Variants in GRM5 observed in about 807,000 individuals in gnomAD.
GRM5 encodes the protein glutamate metabotropic receptor 5.
In GRM5, 19 loss-of-function variants were observed where a neutral mutation model predicts 83.1. The observed-to-expected ratio is 0.23, with a 90% CI of 0.16 to 0.34. GRM5 has a LOEUF of 0.34. GRM5 is among the 10% of genes least tolerant of loss of function. GRM5 has a pLI of 1.00. For synonymous variants in GRM5, 675 were observed against 633.6 expected (o/e 1.07, Z -0.98); for missense variants, 1,160 against 1,588.3 (o/e 0.73, Z 4.58).
At chr11:88,985,149 A>C (rs1939663191) in intron 2 of GRM5, among the ~76,000 whole-genome samples, 1 of 152,028 alleles carries the variant, frequency 6.6e-6, no homozygotes, top group South Asian at 2.1e-4. Flanking sequence ...CATGTTTTTT[A>C]AGATTTGGTT....
intron 3 of GRM5, among the ~76,000 whole-genome samples, chr11:88,653,701 A>G (rs1355921708): frequency 6.6e-6 from 1 of 152,100 alleles, no homozygotes; most frequent in Non-Finnish European, 1.5e-5. Context: ...TAGTATATAC[A>G]TGGAAGCTGC....
rs372866407 is a variant in GRM5, at chr11:88,822,651, T to C, written c.911+27255A>G. ...AGCACACAGGGCTGGAATACAATTA[T>C]CTTCTTAAGAATATTGACTCTTCCG... is the stretch of plus-strand genomic sequence containing the variant. On this transcript the variant is annotated intron_variant, in intron 3 of 9. Coordinates refer to ENST00000305447, the MANE Select transcript of GRM5 (RefSeq NM_001143831.3). Among the ~76,000 whole-genome samples the C allele has an allele frequency of 4.7e-4, 72 of 152,278 alleles. 1 individual carries two copies. In the South Asian group the frequency reaches 0.015, roughly 31 times the overall value.
chr11:89,034,628 A>C (rs1045021346), intron 2 of GRM5, among the ~76,000 whole-genome samples: 2 of 151,896 alleles, frequency 1.3e-5, no homozygotes, highest in African/African-American at 4.8e-5. Context: ...ATATTTGTAG[A>C]CTAATGAATA....
At chr11:88,808,379 T>G (rs1943533665) in intron 3 of GRM5, among the ~76,000 whole-genome samples, 1 of 151,954 alleles carries the variant, frequency 6.6e-6, no homozygotes, top group Non-Finnish European at 1.5e-5. Flanking sequence ...ACTGTATAGT[T>G]AAAATAATTT....
At chr11:88,882,760 A>C (rs1486183469) in intron 2 of GRM5, among the ~76,000 whole-genome samples, 1 of 152,086 alleles carries the variant, frequency 6.6e-6, no homozygotes, top group African/African-American at 2.4e-5. Flanking sequence ...TTGTATTTCC[A>C]TATGACAAGG....
At chr11:88,822,698 T>A (rs113376323) in intron 3 of GRM5, among the ~76,000 whole-genome samples, 4 of 152,182 alleles carry the variant, frequency 2.6e-5, no homozygotes, top group African/African-American at 9.6e-5. Flanking sequence ...TGGTACATCT[T>A]TCCCTTTAAG....
intron 2 of GRM5, among the ~76,000 whole-genome samples, chr11:89,026,911 G>A (rs570413242): frequency 2.6e-5 from 4 of 152,192 alleles, no homozygotes; most frequent in Admixed American, 6.5e-5. Context: ...CCCATGTGAC[G>A]AAGTGGAGGT....
chr11:88,615,961 C>G (rs1938468104), intron 4 of GRM5, among the ~76,000 whole-genome samples: 1 of 152,044 alleles, frequency 6.6e-6, no homozygotes, highest in Non-Finnish European at 1.5e-5. Context: ...AGCAGCAGAG[C>G]AGAGCATATA....
chr11:88,796,021 T>C (rs1286321504), intron 3 of GRM5, among the ~76,000 whole-genome samples: 1 of 152,200 alleles, frequency 6.6e-6, no homozygotes, highest in Non-Finnish European at 1.5e-5. Context: ...GTTCAACTAA[T>C]TGGTTCAGAA....
intron 3 of GRM5, among the ~76,000 whole-genome samples, chr11:88,810,279 C>T (rs1943566349): frequency 6.6e-6 from 1 of 151,900 alleles, no homozygotes; most frequent in South Asian, 2.1e-4. Context: ...CTGAGTAAAG[C>T]TTTGGTTAAA....
At chr11:88,590,860 G>A (rs1937628027) in intron 6 of GRM5, 133 bp from the exon 7 acceptor site, 1 of 518,438 alleles carries the variant, frequency 1.9e-6, no homozygotes, top group African/African-American at 1.9e-5. Flanking sequence ...CAGATAAGCA[G>A]TACAATTTTT....
chr11:89,039,917 A>G (rs1273424081), intron 2 of GRM5, among the ~76,000 whole-genome samples: 1 of 152,146 alleles, frequency 6.6e-6, no homozygotes, highest in Non-Finnish European at 1.5e-5. Flanking sequence ...CCTCTGCCAC[A>G]GTCTCCCAAG....
At chr11:88,580,377 GATCAACAC>G (rs1466691485) in intron 7 of GRM5, among the ~76,000 whole-genome samples, 1 of 152,134 alleles carries the variant, frequency 6.6e-6, no homozygotes, top group Non-Finnish European at 1.5e-5. Context: ...CAGAAAAGAG[GATCAACAC>G]TGAGCTCTGG....
intron 7 of GRM5, among the ~76,000 whole-genome samples, chr11:88,570,567 ATATATTTTTT>A (rs1266020468): frequency 7.8e-4 from 56 of 71,540 alleles, no homozygotes; most frequent in African/African-American, 4.5e-3. Flanking sequence ...ATATATATAT[ATATATTTTTT>A]TTTTTTTTTT....
At position 88,849,959 on chromosome 11, in the gene GRM5, C is replaced by T. The variant is rs749156765; in HGVS notation, c.858G>A (p.Leu286=). ...GACCCAGGCGCCTCATGGCCATCAG[C>T]AGACCTCTCACCGTCATGCCCTCAC... ...CFCEGMTVRG[L]LMAMRRLGLA... is the part of the protein sequence containing the mutation. The change falls in exon 3 of 10, where the codon CTG becomes CTA. Residue 286 remains leucine (L), a synonymous_variant. Coordinates refer to ENST00000305447, the MANE Select transcript of GRM5 (RefSeq NM_001143831.3). 2 of 1,614,104 alleles carry T rather than the reference C, an allele frequency of 1.2e-6. No individual in the cohort carries two copies. Among genetic ancestry groups the T allele is most frequent in the Admixed American group, 1.7e-5 (1 of 60,022 alleles).
intron 2 of GRM5, among the ~76,000 whole-genome samples, chr11:88,977,870 G>A (rs2085034182): frequency 6.6e-6 from 1 of 152,164 alleles, no homozygotes; most frequent in Admixed American, 6.5e-5. Context: ...GGTAAATATA[G>A]GTAGAGAGAA....
In GRM5 at chr11:89,018,114, T is replaced by C. The variant is rs1940902893; in HGVS notation, c.661+29098A>G. Reference sequence around the variant, plus strand: ...TAGTACAATACAGCATCTGACACAATATATGGCACATAATTATCTAATAAA... The same window carrying C: ...TAGTACAATACAGCATCTGACACAACATATGGCACATAATTATCTAATAAA... On this transcript the variant is annotated intron_variant, in intron 2 of 9. Coordinates refer to ENST00000305447, the MANE Select transcript of GRM5 (RefSeq NM_001143831.3). 1.3e-5 allele frequency among the ~76,000 whole-genome samples: 2 copies of C among 152,182 alleles called. 1 individual carries two copies. Among genetic ancestry groups the C allele is most frequent in the Admixed American group, 1.3e-4 (2 of 15,270 alleles).
Position 88,544,082 on chromosome 11 carries a change from CACACATACACAT to C in GRM5, c.2631-18690_2631-18679del, listed in dbSNP as rs1236812975. Among the ~76,000 whole-genome samples the C allele has an allele frequency of 9.2e-5, 14 of 152,224 alleles. No homozygotes were observed. The East Asian group carries it at 1.4e-3, about 15-fold the overall frequency. ...TCTCACTCTCTCTCTCTCTCACACA[CACACATACACAT>C]ACACATACACATGCTCTCTTGCCCT... On this transcript the variant is annotated intron_variant, in intron 8 of 9. Coordinates refer to ENST00000305447, the MANE Select transcript of GRM5 (RefSeq NM_001143831.3).
chr11:88,960,585 T>C (rs1185865693), intron 2 of GRM5, among the ~76,000 whole-genome samples: 1 of 152,090 alleles, frequency 6.6e-6, no homozygotes, highest in Non-Finnish European at 1.5e-5. Flanking sequence ...GTCTTAAGAA[T>C]AGATAGTAGT....
Sources: gnomAD v4.1 joint callset for allele counts (sites outside exome capture counted in the v4.1 genomes callset) on GRCh38, gnomAD v4.1.1 for gene constraint, MANE v1.5 for transcripts, NCBI Gene and HGNC (gene_info 2026-07-23, HGNC 2026-07-21) for gene names.